The following C9 variants were observed in gnomAD, a reference collection of about 807,000 sequenced individuals.
C9 encodes the protein complement C9, also known as complement component C9.
In C9, 63 loss-of-function variants were observed where a neutral mutation model predicts 65.4. The observed-to-expected ratio is 0.96, with a 90% CI of 0.79 to 1.19. The LOEUF (loss-of-function observed/expected upper bound fraction) is 1.19, where lower values mean the gene tolerates loss of function less well. Ranked by LOEUF, C9 falls within the 50% of genes most tolerant of loss-of-function variation. C9 has a pLI of 0.00. For missense variants in C9, 744 were observed against 670.1 expected (o/e 1.11, Z -1.22); for synonymous variants, 229 against 227.9 (o/e 1.00, Z -0.04).
chr5:39,285,751 C>G (rs541144912), intron 10 of C9, among the ~76,000 whole-genome samples: 1 of 150,492 alleles, frequency 6.6e-6, no homozygotes, highest in Non-Finnish European at 1.5e-5. Context: ...CAATGACCAA[C>G]CTGGTTGAGA....
chr5:39,318,790 T>C (rs1050920115), intron 5 of C9, among the ~76,000 whole-genome samples: 1 of 152,148 alleles, frequency 6.6e-6, no homozygotes, highest in African/African-American at 2.4e-5. Flanking sequence ...GAAATGTATA[T>C]AGTTATCTTT....
intron 1 of C9, among the ~76,000 whole-genome samples, chr5:39,355,132 C>T (rs1754392263): frequency 6.6e-6 from 1 of 152,174 alleles, no homozygotes. Flanking sequence ...TTCCTTGGTT[C>T]CAGAAACCTC....
At chr5:39,291,486 A>C (rs1202124028) in intron 9 of C9, among the ~76,000 whole-genome samples, 1 of 151,868 alleles carries the variant, frequency 6.6e-6, no homozygotes, top group Non-Finnish European at 1.5e-5. Flanking sequence ...AGGAGAACAA[A>C]GGACAGAATA....
At chr5:39,356,783 C>G (rs1379649131) in intron 1 of C9, among the ~76,000 whole-genome samples, 1 of 152,174 alleles carries the variant, frequency 6.6e-6, no homozygotes, top group Non-Finnish European at 1.5e-5. Flanking sequence ...ATCCTTTGAG[C>G]CCAACACCCC....
In C9 at chr5:39,341,299, A is replaced by G. The variant is rs571192062; in HGVS notation, c.329-6T>C. ...TCGCATCTTTATGCATCTGCCTGCA[A>G]TCAAAATCAGGAGAGACTCAATGTA... On this transcript the variant is annotated splice_region_variant and splice_polypyrimidine_tract_variant and intron_variant, in intron 3 of 10. Coordinates refer to ENST00000263408, the MANE Select transcript of C9 (RefSeq NM_001737.5). 5 of 1,614,056 alleles carry G rather than the reference A, an allele frequency of 3.1e-6. No homozygotes were observed. The African/African-American group carries it at 4.0e-5, about 13-fold the overall frequency.
In C9 at chr5:39,340,981, T is replaced by G. The variant is rs568841967; in HGVS notation, c.476+165A>C. 670 of 781,652 alleles carry G rather than the reference T, an allele frequency of 8.6e-4. 1 individual carries two copies. Among genetic ancestry groups the G allele is most frequent in the Non-Finnish European group, 1.3e-3 (614 of 465,794 alleles). The allele number at this position is 781,652 out of a possible 1,614,324, so 48.4% of individuals were successfully genotyped here. On this transcript the variant is annotated intron_variant, in intron 4 of 10. Transcript: ENST00000263408. ...TGTCCAAATTATCCTGAGATGCTTA[T>G]TTAGCACTTCCTTTAAGCTTAAAGG...
chr5:39,310,628 A>G (rs142005961), intron 7 of C9, among the ~76,000 whole-genome samples: 2 of 152,236 alleles, frequency 1.3e-5, no homozygotes, highest in African/African-American at 4.8e-5. Context: ...GTGTCATCAC[A>G]TGAGGTAAAA....
chr5:39,305,951 A>G lies in C9; in HGVS notation c.1416+666T>C, dbSNP rs199632337. On this transcript the variant is annotated intron_variant, in intron 9 of 10. Coordinates refer to ENST00000263408, the MANE Select transcript of C9 (RefSeq NM_001737.5). ...TGAGGCAGGCAGATCACTTGAGGCCAGGAGTTTGAGACCAGCCTGGCCAAC... is the reference window on the plus strand; with the variant it reads ...TGAGGCAGGCAGATCACTTGAGGCCGGGAGTTTGAGACCAGCCTGGCCAAC... Among the ~76,000 whole-genome samples, 7 of 152,224 alleles carry G rather than the reference A, an allele frequency of 4.6e-5. No individual in the cohort carries two copies. The East Asian group carries it at 1.2e-3, about 25-fold the overall frequency.
chr5:39,336,617 C>T (rs1753970823), intron 4 of C9, among the ~76,000 whole-genome samples: 1 of 151,978 alleles, frequency 6.6e-6, no homozygotes. Flanking sequence ...GTTCCCACAT[C>T]CATGAATGAA....
At chr5:39,355,287 C>A (rs1040264807) in intron 1 of C9, among the ~76,000 whole-genome samples, 9 of 152,110 alleles carry the variant, frequency 5.9e-5, no homozygotes, top group Non-Finnish European at 8.8e-5. Flanking sequence ...AAATCTAGAA[C>A]CCAACCAGGG....
intron 6 of C9, among the ~76,000 whole-genome samples, chr5:39,312,979 C>T (rs75930048): frequency 0.03 from 4,491 of 151,996 alleles, 205 homozygotes; most frequent in African/African-American, 0.1. Context: ...TCAAATATGC[C>T]TTATTCAAAG....
chr5:39,330,545 G>A (rs540404349), intron 5 of C9, among the ~76,000 whole-genome samples: 3 of 152,306 alleles, frequency 2.0e-5, no homozygotes, highest in South Asian at 4.1e-4. Flanking sequence ...CATCAGCAAT[G>A]ACCAAGGTGA....
At chr5:39,286,367 G>C (rs560613234) in intron 10 of C9, among the ~76,000 whole-genome samples, 3 of 152,054 alleles carry the variant, frequency 2.0e-5, no homozygotes, top group East Asian at 3.9e-4. Flanking sequence ...GCAGAGAATT[G>C]CACTGCAGAA....
intron 5 of C9, among the ~76,000 whole-genome samples, chr5:39,328,365 G>C (rs1218740075): frequency 1.3e-5 from 2 of 152,234 alleles, no homozygotes; most frequent in African/African-American, 4.8e-5. Context: ...GCCTGCTCAT[G>C]TGAAGAACGA....
chr5:39,287,594 T>C (rs545720321), intron 10 of C9, among the ~76,000 whole-genome samples: 2 of 151,966 alleles, frequency 1.3e-5, no homozygotes, highest in Non-Finnish European at 2.9e-5. Context: ...CAATGGATGA[T>C]TGGATAAAGA....
intron 9 of C9, among the ~76,000 whole-genome samples, chr5:39,295,643 A>G (rs2111851405): frequency 6.6e-6 from 1 of 151,880 alleles, no homozygotes; most frequent in Middle Eastern, 3.4e-3. Context: ...AATGACAATG[A>G]CATTCCTCAC....
At chr5:39,346,848 G>C (rs948412314) in intron 1 of C9, among the ~76,000 whole-genome samples, 1 of 152,164 alleles carries the variant, frequency 6.6e-6, no homozygotes, top group Non-Finnish European at 1.5e-5. Flanking sequence ...TCATCCCTGG[G>C]ATGCAAGGCT....
intron 4 of C9, among the ~76,000 whole-genome samples, chr5:39,338,638 A>G (rs995305310): frequency 3.3e-5 from 5 of 152,226 alleles, no homozygotes; most frequent in African/African-American, 1.2e-4. Context: ...TAATTAAAAA[A>G]TGTTGATGGA....
At chr5:39,335,013 A>G (rs10473135) in intron 4 of C9, among the ~76,000 whole-genome samples, 4,492 of 151,332 alleles carry the variant, frequency 0.03, 211 homozygotes, top group African/African-American at 0.1. Flanking sequence ...AAAAAGAAAT[A>G]AACACTTATT....
Sources: gnomAD v4.1 joint callset for allele counts (sites outside exome capture counted in the v4.1 genomes callset) on GRCh38, gnomAD v4.1.1 for gene constraint, MANE v1.5 for transcripts, NCBI Gene and HGNC (gene_info 2026-07-23, HGNC 2026-07-21) for gene names.